The following EYS variants were observed in gnomAD, a reference collection of about 807,000 sequenced individuals.
EYS encodes protein eyes shut homolog.
A neutral mutation model predicts 282.1 loss-of-function variants in EYS; 250 were observed. The ratio of observed to expected loss-of-function variants is 0.89; its 90% CI spans 0.80 to 0.98. EYS has a LOEUF of 0.98. Among genes scored for constraint, EYS ranks in the 50% least tolerant of loss-of-function variants. EYS has a pLI of 0.00. For synonymous variants in EYS, 1,355 were observed against 1,282.9 expected (o/e 1.06, Z -1.20); for missense variants, 4,016 against 3,709.0 (o/e 1.08, Z -2.15).
At chr6:64,374,967 A>AT (rs1772517928) in intron 29 of EYS, among the ~76,000 whole-genome samples, 1 of 152,206 alleles carries the variant, frequency 6.6e-6, no homozygotes, top group African/African-American at 2.4e-5. Flanking sequence ...GGAGCAAAAA[A>AT]GAGTTCTCTT....
chr6:65,536,215 A>G (rs1333093998), intron 2 of EYS, among the ~76,000 whole-genome samples: 22 of 152,046 alleles, frequency 1.4e-4, no homozygotes, highest in Non-Finnish European at 8.8e-5. Flanking sequence ...GTTAAAGACT[A>G]TAGTTAAATA....
intron 15 of EYS, among the ~76,000 whole-genome samples, chr6:64,943,982 A>T (rs572803882): frequency 6.6e-6 from 1 of 152,290 alleles, no homozygotes; most frequent in Non-Finnish European, 1.5e-5. Context: ...CAAAAACAGC[A>T]TGGCAGCATT....
At chr6:64,648,618 A>C (rs1250052445) in intron 22 of EYS, among the ~76,000 whole-genome samples, 1 of 152,218 alleles carries the variant, frequency 6.6e-6, no homozygotes, top group Non-Finnish European at 1.5e-5. Flanking sequence ...AATCATGTGG[A>C]AATGTCAGAT....
chr6:65,458,479 T>A (rs1415085578), intron 5 of EYS, among the ~76,000 whole-genome samples: 1 of 152,052 alleles, frequency 6.6e-6, no homozygotes, highest in Non-Finnish European at 1.5e-5. Flanking sequence ...GACAAAACAT[T>A]AATACCTAAA....
rs779983752 is a variant in EYS, at chr6:63,726,641, A to C, written c.8111T>G (p.Leu2704Ter). 7.4e-5 allele frequency: 115 copies of C among 1,551,232 alleles called. No homozygotes were observed. The highest frequency in any genetic ancestry group is 9.6e-5 in the Non-Finnish European group (110 of 1,146,756). ...AAAGGAAGCAAAAGACATCCAGGATAACTCATTGCTTCTGAAAGATGGATC... is the reference window on the plus strand; with the variant it reads ...AAAGGAAGCAAAAGACATCCAGGATCACTCATTGCTTCTGAAAGATGGATC... ...ISDPSFRSNE[L>*]SWMSFASFHV... is the part of the protein sequence containing the mutation. Residue 2704 changes from leucine to a stop codon, truncating the protein, a stop_gained, in exon 42 of 43, where the codon TTA becomes TGA. Transcript: ENST00000503581. LOFTEE classifies it high-confidence loss of function.
chr6:65,385,470 A>T (rs1282240075), intron 7 of EYS, among the ~76,000 whole-genome samples: 1 of 151,936 alleles, frequency 6.6e-6, no homozygotes. Flanking sequence ...TTATTTCTCC[A>T]TTCATATCAG....
At chr6:65,276,135 T>C (rs1768041078) in intron 12 of EYS, among the ~76,000 whole-genome samples, 1 of 152,136 alleles carries the variant, frequency 6.6e-6, no homozygotes, top group South Asian at 2.1e-4. Context: ...TAGAAGAGTT[T>C]TCTGAAAGCT....
intron 29 of EYS, among the ~76,000 whole-genome samples, chr6:64,340,779 G>T (rs1771071553): frequency 6.6e-6 from 1 of 151,294 alleles, no homozygotes; most frequent in African/African-American, 2.4e-5. Context: ...AAAGTAAATA[G>T]CCTACAGAAT....
chr6:64,071,150 T>C (rs1348998790), intron 32 of EYS, among the ~76,000 whole-genome samples: 1 of 151,908 alleles, frequency 6.6e-6, no homozygotes, highest in Non-Finnish European at 1.5e-5. Context: ...TCTAGACGAG[T>C]GGATTAAAAG....
At chr6:65,427,571 C>T (rs572018619) in intron 5 of EYS, among the ~76,000 whole-genome samples, 204 of 151,800 alleles carry the variant, frequency 1.3e-3, no homozygotes, top group Non-Finnish European at 2.2e-4. Context: ...TTTTTCATTA[C>T]AGGGGTAGAA....
chr6:63,848,858 G>A (rs1049644065), intron 36 of EYS, among the ~76,000 whole-genome samples: 4 of 152,144 alleles, frequency 2.6e-5, no homozygotes, highest in African/African-American at 9.7e-5. Flanking sequence ...TGGAAAGGGG[G>A]CTGAAGCCAG....
At chr6:63,972,453 A>G (rs1354440167) in intron 35 of EYS, among the ~76,000 whole-genome samples, 1 of 152,202 alleles carries the variant, frequency 6.6e-6, no homozygotes, top group Non-Finnish European at 1.5e-5. Flanking sequence ...AAAATGATGA[A>G]GCTATAATTT....
intron 30 of EYS, among the ~76,000 whole-genome samples, chr6:64,296,583 TACATATA>T (rs1769021664): frequency 1.3e-4 from 1 of 7,742 alleles, no homozygotes; most frequent in African/African-American, 4.0e-4. Flanking sequence ...TATATATATA[TACATATA>T]TATATATATT....
intron 31 of EYS, among the ~76,000 whole-genome samples, chr6:64,183,004 C>T (rs1158168940): frequency 2.6e-5 from 4 of 152,108 alleles, no homozygotes; most frequent in African/African-American, 9.7e-5. Flanking sequence ...CCCAACATGT[C>T]ACGGGAACGA....
At chr6:65,063,004 A>G (rs953554367) in intron 12 of EYS, among the ~76,000 whole-genome samples, 1 of 152,036 alleles carries the variant, frequency 6.6e-6, no homozygotes, top group African/African-American at 2.4e-5. Context: ...AGTTGACAAA[A>G]TAGTTCACAG....
At chr6:64,820,125 T>C (rs1764857448) in intron 21 of EYS, among the ~76,000 whole-genome samples, 1 of 152,066 alleles carries the variant, frequency 6.6e-6, no homozygotes, top group African/African-American at 2.4e-5. Flanking sequence ...TTTGGAATAC[T>C]TTATAGCTAT....
intron 36 of EYS, among the ~76,000 whole-genome samples, chr6:63,859,122 A>G (rs1772473021): frequency 2.8e-5 from 3 of 108,406 alleles, no homozygotes; most frequent in Non-Finnish European, 3.4e-5. Flanking sequence ...AATAGCTGGG[A>G]TGGAGATGCA....
intron 22 of EYS, among the ~76,000 whole-genome samples, chr6:64,720,374 C>A (rs1163795993): frequency 6.6e-6 from 1 of 152,164 alleles, no homozygotes; most frequent in African/African-American, 2.4e-5. Context: ...ATCTCAATAT[C>A]CTTAACTTAA....
chr6:64,641,424 T>C (rs536424986), intron 22 of EYS, among the ~76,000 whole-genome samples: 1 of 152,108 alleles, frequency 6.6e-6, no homozygotes, highest in Non-Finnish European at 1.5e-5. Flanking sequence ...CCAAACCATA[T>C]CATGCTTATA....
Sources: gnomAD v4.1 joint callset for allele counts (sites outside exome capture counted in the v4.1 genomes callset) on GRCh38, gnomAD v4.1.1 for gene constraint, MANE v1.5 for transcripts, NCBI Gene and HGNC (gene_info 2026-07-23, HGNC 2026-07-21) for gene names.